GNA12: variants seen among roughly 807,000 people sequenced by gnomAD.
GNA12 encodes the protein G protein subunit alpha 12.
GNA12 carries 9 observed loss-of-function variants against 26.0 expected under a neutral mutation model. That is an observed-to-expected ratio of 0.35 (90% CI 0.21 to 0.60). The LOEUF (loss-of-function observed/expected upper bound fraction) is 0.60. Ranked by LOEUF, GNA12 falls within the 20% of genes least tolerant of loss-of-function variation. The pLI, the probability that GNA12 is intolerant of heterozygous loss-of-function variation, is 0.78. For missense variants in GNA12, 405 were observed against 525.8 expected, an observed-to-expected ratio of 0.77 and a Z score of 2.25; for synonymous variants, 264 against 219.6, an observed-to-expected ratio of 1.20 and a Z score of -1.79.
intron 2 of GNA12, among the ~76,000 whole-genome samples, chr7:2,791,826 C>G (rs1198952539): frequency 6.6e-6 from 1 of 152,070 alleles, no homozygotes; most frequent in East Asian, 1.9e-4. Context: ...TATTAGGGTC[C>G]TACTATCTAG....
chr7:2,768,448 A>C (rs991958768), intron 2 of GNA12, among the ~76,000 whole-genome samples: 2 of 152,178 alleles, frequency 1.3e-5, no homozygotes, highest in African/African-American at 4.8e-5. Flanking sequence ...GAACTCAGAA[A>C]AACACTAACT....
At position 2,759,948 on chromosome 7, in the gene GNA12, T is replaced by C. The variant is rs183974821; in HGVS notation, c.526-26447A>G. Among the ~76,000 whole-genome samples the C allele has an allele frequency of 1.5e-3, 228 of 152,312 alleles. 3 individuals carry two copies. Among genetic ancestry groups the C allele is most frequent in the African/African-American group, 5.0e-3 (209 of 41,568 alleles). ...CCACCTGCTCCTGCCAAGCAGGCTGTGTAGGCTGGAAGCCACCAGTGGCTT... is the reference window on the plus strand; with the variant it reads ...CCACCTGCTCCTGCCAAGCAGGCTGCGTAGGCTGGAAGCCACCAGTGGCTT... On this transcript the variant is annotated intron_variant, in intron 2 of 3. Transcript: ENST00000275364.
At chr7:2,750,934 T>C (rs566054915) in intron 2 of GNA12, among the ~76,000 whole-genome samples, 21 of 152,286 alleles carry the variant, frequency 1.4e-4, no homozygotes, top group Middle Eastern at 3.4e-3. Context: ...GCGAGAGATA[T>C]GCACACTCCA....
chr7:2,731,162 A>C lies in GNA12; in HGVS notation c.*19T>G. The C allele has an allele frequency of 6.4e-7, 1 of 1,569,992 alleles. No homozygotes were observed. The highest frequency in any genetic ancestry group is 8.7e-7 in the Non-Finnish European group (1 of 1,149,166). On this transcript the variant is annotated 3_prime_UTR_variant, in exon 4 of 4. Transcript: ENST00000275364. The surrounding 1 kb of genome is among the most constrained non-coding windows in gnomAD (Gnocchi z 6.0). ...CCGTGGGGGCTGCTCAACGACGACAAACCCCGGGGCTTCCTCGCTCACTGC... is the reference window on the plus strand; with the variant it reads ...CCGTGGGGGCTGCTCAACGACGACACACCCCGGGGCTTCCTCGCTCACTGC...
chr7:2,733,570 C>G, intron 2 of GNA12, 69 bp from the exon 3 acceptor site: 2 of 1,242,542 alleles, frequency 1.6e-6, no homozygotes, highest in Non-Finnish European at 2.4e-6. Context: ...AATACAAGAA[C>G]TGAACAGGGT....
intron 2 of GNA12, among the ~76,000 whole-genome samples, chr7:2,777,083 G>A (rs1178399055): frequency 1.3e-5 from 2 of 152,124 alleles, no homozygotes; most frequent in African/African-American, 4.8e-5. Context: ...CAGCCCCCTA[G>A]TCCTGCACCT....
intron 1 of GNA12, among the ~76,000 whole-genome samples, chr7:2,822,660 A>G (rs959060010): frequency 6.6e-6 from 1 of 152,080 alleles, no homozygotes; most frequent in Non-Finnish European, 1.5e-5. Flanking sequence ...TTCTACAGAA[A>G]AATTAGCCAG....
chr7:2,734,904 G>A lies in GNA12; in HGVS notation c.526-1403C>T, dbSNP rs180892394. ...TAGGGAAGGCATCGGGAGTGCCAGG[G>A]TGAACGTACCCCAAGGGCCCGGCAC... On this transcript the variant is annotated intron_variant, in intron 2 of 3. Transcript: ENST00000275364. Among the ~76,000 whole-genome samples the A allele has an allele frequency of 5.4e-4, 83 of 152,308 alleles. 1 individual carries two copies. The highest frequency in any genetic ancestry group is 1.9e-3 in the African/African-American group (79 of 41,578).
At chr7:2,747,097 A>G (rs1211681317) in intron 2 of GNA12, among the ~76,000 whole-genome samples, 13 of 152,252 alleles carry the variant, frequency 8.5e-5, no homozygotes, top group Admixed American at 7.9e-4. Flanking sequence ...AGGTACAAGG[A>G]GGAGCTGGCA....
intron 2 of GNA12, among the ~76,000 whole-genome samples, chr7:2,776,507 A>G (rs955975805): frequency 6.6e-6 from 1 of 152,220 alleles, no homozygotes; most frequent in African/African-American, 2.4e-5. Context: ...CGATGAAAGC[A>G]TGAAGGGCTG....
intron 2 of GNA12, among the ~76,000 whole-genome samples, chr7:2,743,416 A>G (rs1017698950): frequency 6.6e-6 from 1 of 152,354 alleles, no homozygotes; most frequent in Admixed American, 6.5e-5. Context: ...GGCAAAAACA[A>G]TCAGAAGTTA....
chr7:2,748,986 G>T (rs1233335838), intron 2 of GNA12, among the ~76,000 whole-genome samples: 1 of 152,198 alleles, frequency 6.6e-6, no homozygotes, highest in Admixed American at 6.5e-5. Context: ...AGTTAGAATG[G>T]TGATCATTAA....
chr7:2,781,660 TTC>T (rs1475883267), intron 2 of GNA12, among the ~76,000 whole-genome samples: 20 of 152,290 alleles, frequency 1.3e-4, no homozygotes, highest in Middle Eastern at 3.4e-3. Context: ...TTACTGTATA[TTC>T]TTTTTTCTCA....
chr7:2,765,372 G>C (rs1379685670), intron 2 of GNA12, among the ~76,000 whole-genome samples: 2 of 152,066 alleles, frequency 1.3e-5, no homozygotes, highest in Admixed American at 6.6e-5. Context: ...TGTTAGCCAG[G>C]ATGGTCTAGA....
chr7:2,826,230 T>C (rs113903798), intron 1 of GNA12, among the ~76,000 whole-genome samples: 2,786 of 151,776 alleles, frequency 0.018, 52 homozygotes, highest in Middle Eastern at 0.075. Context: ...TACAAAAAAT[T>C]AGCCAGGCTT....
chr7:2,780,568 C>A (rs1199076245), intron 2 of GNA12, among the ~76,000 whole-genome samples: 1 of 152,132 alleles, frequency 6.6e-6, no homozygotes, highest in Non-Finnish European at 1.5e-5. Flanking sequence ...GTTTTATCTC[C>A]TGTGTATGCA....
intron 2 of GNA12, among the ~76,000 whole-genome samples, chr7:2,776,739 C>T (rs1792087218): frequency 1.3e-5 from 2 of 152,302 alleles, no homozygotes; most frequent in African/African-American, 2.4e-5. Context: ...TCTTGCAACC[C>T]CAGTGCTGGA....
At chr7:2,768,613 TA>T (rs1791867117) in intron 2 of GNA12, among the ~76,000 whole-genome samples, 1 of 149,490 alleles carries the variant, frequency 6.7e-6, no homozygotes, top group South Asian at 2.1e-4. Context: ...TACGTACATT[TA>T]GAAAATTAAT....
Position 2,731,861 on chromosome 7 carries a change from AG to A in GNA12, c.577-112del. Reference sequence around the variant, plus strand: ...AAGGAAAGAGACTGACTTTTGCAACAGGTTGAACCAGAAACCAAAAGCAAAT... The same window carrying A: ...AAGGAAAGAGACTGACTTTTGCAACAGTTGAACCAGAAACCAAAAGCAAAT... On this transcript the variant is annotated intron_variant, in intron 3 of 3. Transcript: ENST00000275364. This position sits in a 1 kb window ranked among gnomAD's most constrained non-coding sequence, Gnocchi z 6.0. 1 of 587,760 alleles carries A rather than the reference AG, an allele frequency of 1.7e-6. No individual in the cohort carries two copies. The highest frequency in any genetic ancestry group is 2.8e-6 in the Non-Finnish European group (1 of 352,966). The allele number at this position is 587,760 out of a possible 1,614,324, so 36.4% of individuals were successfully genotyped here.
Sources: allele counts gnomAD v4.1 joint callset (sites outside exome capture counted in the v4.1 genomes callset), GRCh38; gene constraint gnomAD v4.1.1; non-coding constraint Gnocchi (gnomAD v3.1); transcripts MANE v1.5; gene names NCBI Gene and HGNC (gene_info 2026-07-23, HGNC 2026-07-21).